Variants in CNGA1 observed in about 807,000 individuals in gnomAD.
The protein encoded by CNGA1 is cyclic nucleotide gated channel subunit alpha 1.
Under a neutral mutation model 69.7 loss-of-function variants are expected in CNGA1, and 53 were observed. The ratio of observed to expected loss-of-function variants is 0.76; its 90% CI spans 0.61 to 0.96. The LOEUF (loss-of-function observed/expected upper bound fraction) is 0.96, where lower values mean the gene tolerates loss of function less well. Among genes scored for constraint, CNGA1 ranks in the 40% least tolerant of loss-of-function variants. CNGA1 has a pLI of 0.00. For missense variants in CNGA1, 739 were observed against 811.2 expected, an observed-to-expected ratio of 0.91 and a Z score of 1.08; for synonymous variants, 249 against 283.5, an observed-to-expected ratio of 0.88 and a Z score of 1.22.
chr4:48,011,944 T>C (rs930121763), intron 1 of CNGA1, among the ~76,000 whole-genome samples: 16 of 152,204 alleles, frequency 1.1e-4, no homozygotes, highest in East Asian at 1.9e-4. Context: ...ATTCAGATCT[T>C]AGTTAATCGC....
At chr4:47,951,077 C>G (rs1739709749) in intron 5 of CNGA1, among the ~76,000 whole-genome samples, 1 of 152,160 alleles carries the variant, frequency 6.6e-6, no homozygotes, top group Non-Finnish European at 1.5e-5. Flanking sequence ...GCAATATTTC[C>G]CAAGAGACGG....
intron 6 of CNGA1, among the ~76,000 whole-genome samples, chr4:47,946,770 TTTTC>T (rs140558527): frequency 0.13 from 19,547 of 151,006 alleles, 1,381 homozygotes; most frequent in Middle Eastern, 0.18. Context: ...CCCTTCGTCT[TTTTC>T]TTTCTTTCTT....
chr4:47,954,788 C>T (rs1208107167), intron 3 of CNGA1, among the ~76,000 whole-genome samples: 1 of 152,230 alleles, frequency 6.6e-6, no homozygotes, highest in Non-Finnish European at 1.5e-5. Context: ...CCCTGGAAAA[C>T]CTTACGAGCC....
chr4:48,013,564 T>G (rs1715254546), intron 1 of CNGA1, among the ~76,000 whole-genome samples: 1 of 152,198 alleles, frequency 6.6e-6, no homozygotes, highest in Non-Finnish European at 1.5e-5. Flanking sequence ...TTGCATTATT[T>G]TGAGTTTCTG....
At chr4:47,958,482 G>T (rs185034849) in intron 3 of CNGA1, among the ~76,000 whole-genome samples, 1 of 152,154 alleles carries the variant, frequency 6.6e-6, no homozygotes, top group African/African-American at 2.4e-5. Context: ...AAATTAGCAG[G>T]GCATGATGGC....
chr4:48,004,423 C>T (rs756156089), intron 2 of CNGA1, among the ~76,000 whole-genome samples: 13 of 152,226 alleles, frequency 8.5e-5, no homozygotes, highest in East Asian at 1.9e-4. Context: ...TCTCTGCACA[C>T]GAGGAGAAAA....
At chr4:47,940,694 A>G in intron 10 of CNGA1, 69 bp downstream of exon 10, 1 of 1,087,272 alleles carries the variant, frequency 9.2e-7, no homozygotes, top group South Asian at 1.3e-5. Context: ...TTGGATTAGG[A>G]AATGTCAAAT....
intron 1 of CNGA1, among the ~76,000 whole-genome samples, chr4:48,015,108 G>A (rs928291819): frequency 1.3e-5 from 2 of 152,156 alleles, no homozygotes; most frequent in Non-Finnish European, 2.9e-5. Flanking sequence ...AACCCAGGAG[G>A]CGGAGCTTGC....
chr4:47,947,901 G>A (rs562764735), intron 6 of CNGA1, among the ~76,000 whole-genome samples: 4 of 152,198 alleles, frequency 2.6e-5, no homozygotes, highest in East Asian at 3.9e-4. Flanking sequence ...TTTTTTGCTC[G>A]TAGTGAACAT....
rs758429898 is a variant in CNGA1, at chr4:47,936,615, C to A, written c.1867G>T (p.Val623Phe). The A allele has an allele frequency of 6.8e-6, 11 of 1,614,028 alleles. No individual in the cohort carries two copies. The highest frequency in any genetic ancestry group is 3.3e-4 in the Middle Eastern group (2 of 6,084). ...TCTACTGACCCCTCCATTCGAGTAA[C>A]CTTCTCTTCAAGATCTTTAGGATCA... is the stretch of plus-strand genomic sequence containing the variant. ...GSDPKDLEEK[V>F]TRMEGSVDLL... is the part of the protein sequence containing the mutation. The change falls in exon 11 of 11, where the codon GTT (valine) becomes TTT (phenylalanine). Residue 623 changes from valine (V) to phenylalanine (F), a missense_variant. Physicochemically the swap from Val to Phe is conservative, Grantham distance 50. Coordinates refer to ENST00000514170, the MANE Select transcript of CNGA1 (RefSeq NM_001379270.1).
chr4:47,941,468 T>C (rs556600890), intron 9 of CNGA1, among the ~76,000 whole-genome samples: 2 of 152,364 alleles, frequency 1.3e-5, no homozygotes, highest in South Asian at 2.1e-4. Flanking sequence ...GTTTACCATC[T>C]AAAAGACATT....
chr4:47,973,016 A>G (rs1410463859), intron 3 of CNGA1, among the ~76,000 whole-genome samples: 9 of 151,958 alleles, frequency 5.9e-5, no homozygotes, highest in Non-Finnish European at 7.4e-5. Flanking sequence ...AACTGAATTG[A>G]GAAATCCAGT....
intron 9 of CNGA1, 110 bp from the exon 10 acceptor site, chr4:47,940,979 G>T (rs1227778571): frequency 1.4e-6 from 1 of 708,902 alleles, no homozygotes; most frequent in Non-Finnish European, 2.5e-6. Context: ...GCACACTCAG[G>T]CTAGGAGAGG....
At chr4:47,937,870 T>A (rs1560618071) in intron 10 of CNGA1, 41 bp from the exon 11 acceptor site, 1 of 1,488,368 alleles carries the variant, frequency 6.7e-7, no homozygotes, top group African/African-American at 1.4e-5. Context: ...TTCTCCTTTT[T>A]ATGTCATTGT....
chr4:47,953,146 C>G (rs1739846954), intron 3 of CNGA1, among the ~76,000 whole-genome samples: 1 of 152,072 alleles, frequency 6.6e-6, no homozygotes, highest in African/African-American at 2.4e-5. Context: ...CCATATCAAC[C>G]CTACCATTTT....
chr4:47,981,572 A>G (rs1741715638), intron 2 of CNGA1, 72 bp from the exon 3 acceptor site: 1 of 152,218 alleles, frequency 6.6e-6, no homozygotes, highest in Admixed American at 6.5e-5. Context: ...GCTAGTTTTC[A>G]AAATTATTCC....
chr4:47,943,440 C>CAGAT, intron 6 of CNGA1, 28 bp from the exon 7 acceptor site: 1 of 1,259,424 alleles, frequency 7.9e-7, no homozygotes, highest in Non-Finnish European at 1.1e-6. Context: ...ATATCTGTCA[C>CAGAT]ATAATCACAG....
intron 3 of CNGA1, among the ~76,000 whole-genome samples, chr4:47,965,869 C>T (rs1352091339): frequency 6.6e-6 from 1 of 152,202 alleles, no homozygotes; most frequent in African/African-American, 2.4e-5. Flanking sequence ...TTTTCATACA[C>T]TTTTCAACTC....
intron 2 of CNGA1, among the ~76,000 whole-genome samples, chr4:47,982,145 T>A (rs1408436591): frequency 6.6e-6 from 1 of 152,220 alleles, no homozygotes; most frequent in Non-Finnish European, 1.5e-5. Flanking sequence ...CCCTAAGAAC[T>A]CTTTTATGCA....
Sources: gnomAD v4.1 joint callset for allele counts (sites outside exome capture counted in the v4.1 genomes callset) on GRCh38, gnomAD v4.1.1 for gene constraint, MANE v1.5 for transcripts, NCBI Gene and HGNC (gene_info 2026-07-23, HGNC 2026-07-21) for gene names.